PRKCQ: variants seen among roughly 807,000 people sequenced by gnomAD.
PRKCQ encodes protein kinase C theta.
A neutral mutation model predicts 91.2 loss-of-function variants in PRKCQ; 41 were observed. The ratio of observed to expected loss-of-function variants is 0.45; its 90% confidence interval spans 0.35 to 0.58. The LOEUF is 0.58. Among genes scored for constraint, PRKCQ ranks in the 20% least tolerant of loss-of-function variants. The pLI, the probability that PRKCQ is intolerant of heterozygous loss-of-function variation, is 0.00. For missense variants in PRKCQ, 673 were observed against 896.5 expected (o/e 0.75, Z 3.18); for synonymous variants, 307 against 316.9 (o/e 0.97, Z 0.33).
At chr10:6,408,605 T>G in the PRKCQ span, among the ~76,000 whole-genome samples, 1 of 152,244 alleles carries the variant, frequency 6.6e-6, no homozygotes, top group Non-Finnish European at 1.5e-5. Context: ...TCCTCCCACC[T>G]TGGCCTCCCA....
intron 4 of PRKCQ, among the ~76,000 whole-genome samples, chr10:6,506,149 C>A (rs1336212085): frequency 1.3e-5 from 2 of 152,296 alleles, no homozygotes; most frequent in East Asian, 3.9e-4. Flanking sequence ...TATATCTACA[C>A]CTTCCAAGAG....
At chr10:6,526,496 C>T (rs537402089) in intron 1 of PRKCQ, among the ~76,000 whole-genome samples, 2 of 151,810 alleles carry the variant, frequency 1.3e-5, no homozygotes, top group African/African-American at 4.8e-5. Context: ...GGTGGGGCGG[C>T]AGGGAGGGCT....
intron 1 of PRKCQ, among the ~76,000 whole-genome samples, chr10:6,561,659 A>T (rs889535352): frequency 4.6e-5 from 7 of 152,234 alleles, no homozygotes; most frequent in Admixed American, 6.5e-5. Flanking sequence ...TTAAATTCTC[A>T]GAACGGCTCC....
At chr10:6,572,210 T>C (rs1405945263) in intron 1 of PRKCQ, among the ~76,000 whole-genome samples, 1 of 152,152 alleles carries the variant, frequency 6.6e-6, no homozygotes, top group Non-Finnish European at 1.5e-5. Flanking sequence ...ATGCCATAGG[T>C]ATGTAATTTT....
intron 9 of PRKCQ, among the ~76,000 whole-genome samples, chr10:6,485,700 A>G (rs1293208427): frequency 6.6e-6 from 1 of 152,240 alleles, no homozygotes; most frequent in African/African-American, 2.4e-5. Context: ...ATGCTAGCAC[A>G]TAAGTGTTTT....
intron 2 of PRKCQ, among the ~76,000 whole-genome samples, chr10:6,512,563 G>A (rs187883186): frequency 6.2e-4 from 95 of 152,336 alleles, no homozygotes; most frequent in African/African-American, 2.2e-3. Context: ...CTGCATTTGA[G>A]TGTTTGTTTC....
intron 13 of PRKCQ, among the ~76,000 whole-genome samples, chr10:6,464,104 G>A (rs980135435): frequency 2.0e-5 from 3 of 152,200 alleles, no homozygotes; most frequent in African/African-American, 7.2e-5. Flanking sequence ...AAGAAACTAA[G>A]TAGTTAGTTT....
chr10:6,513,175 G>A (rs1029860137), intron 2 of PRKCQ, among the ~76,000 whole-genome samples: 1 of 152,164 alleles, frequency 6.6e-6, no homozygotes, highest in East Asian at 1.9e-4. Flanking sequence ...CCCGTAGCCT[G>A]TTTGTCCTTG....
chr10:6,413,978 A>C, the PRKCQ span, among the ~76,000 whole-genome samples: 2 of 152,390 alleles, frequency 1.3e-5, no homozygotes, highest in East Asian at 3.9e-4. Flanking sequence ...CCCTGACGAC[A>C]TTGGACATCA....
chr10:6,414,803 A>AC, the PRKCQ span, among the ~76,000 whole-genome samples: 1 of 151,376 alleles, frequency 6.6e-6, no homozygotes, highest in Non-Finnish European at 1.5e-5. Context: ...AAAAAAAAAA[A>AC]AGAAAGAAAA....
chr10:6,471,835 C>A (rs949946311), intron 12 of PRKCQ, among the ~76,000 whole-genome samples: 1 of 152,186 alleles, frequency 6.6e-6, no homozygotes, highest in Middle Eastern at 3.2e-3. Context: ...CATGCACTTT[C>A]CTGAGGCACT....
chr10:6,515,393 T>C, intron 1 of PRKCQ: 1 of 985,450 alleles, frequency 1.0e-6, no homozygotes, highest in African/African-American at 1.7e-5. Flanking sequence ...TTTTGAGAAG[T>C]AACTCAAGAG....
chr10:6,491,638 C>T lies in PRKCQ; in HGVS notation c.790+45G>A, dbSNP rs773910556. On this transcript the variant is annotated intron_variant, in intron 8 of 17. Transcript: ENST00000263125. Reference sequence around the variant, plus strand: ...TCCCCAGAAAGCCTTGCTCCATCCCCTAGGGGGTCCACGTCGGGCCATGCT... The same window carrying T: ...TCCCCAGAAAGCCTTGCTCCATCCCTTAGGGGGTCCACGTCGGGCCATGCT... 2.5e-6 allele frequency: 4 copies of T among 1,610,148 alleles called. No homozygotes were observed. In the East Asian group the frequency reaches 8.9e-5, roughly 36 times the overall value.
chr10:6,516,249 T>C (rs1277886103), intron 1 of PRKCQ, among the ~76,000 whole-genome samples: 1 of 152,210 alleles, frequency 6.6e-6, no homozygotes, highest in African/African-American at 2.4e-5. Flanking sequence ...GGATCTCCAG[T>C]ATGCTAAATA....
chr10:6,537,752 G>T (rs1839636489), intron 1 of PRKCQ, among the ~76,000 whole-genome samples: 1 of 152,136 alleles, frequency 6.6e-6, no homozygotes, highest in Non-Finnish European at 1.5e-5. Flanking sequence ...ACACTTCTCT[G>T]GGGCTCTCAA....
At chr10:6,489,559 G>A (rs891057654) in intron 8 of PRKCQ, 1 of 471,728 alleles carries the variant, frequency 2.1e-6, no homozygotes, top group African/African-American at 2.0e-5. Context: ...GAGGCAGAGA[G>A]GGAGGGAAGA....
chr10:6,522,344 G>T (rs1350911498), intron 1 of PRKCQ, among the ~76,000 whole-genome samples: 1 of 152,228 alleles, frequency 6.6e-6, no homozygotes, highest in East Asian at 1.9e-4. Flanking sequence ...TTCGATGCAG[G>T]TACATGATCA....
chr10:6,543,567 C>A (rs113498640), intron 1 of PRKCQ, among the ~76,000 whole-genome samples: 8 of 152,316 alleles, frequency 5.3e-5, no homozygotes, highest in African/African-American at 1.9e-4. Context: ...ATTAGAGAGA[C>A]GCTAACCACT....
rs544230650 is a variant in PRKCQ, at chr10:6,430,199, G to A, written c.1965+611C>T. Among the ~76,000 whole-genome samples the A allele has an allele frequency of 3.3e-5, 5 of 152,198 alleles. No individual in the cohort carries two copies. The South Asian group carries it at 6.2e-4, about 19-fold the overall frequency. ...ACTTCACTTTATGGTGGCCCGTCTC[G>A]CAGGTGAGCCAGGTCATTCTGCCTT... On this transcript the variant is annotated intron_variant, in intron 17 of 17. Coordinates refer to ENST00000263125, the MANE Select transcript of PRKCQ (RefSeq NM_006257.5). The surrounding 1 kb of genome is among the most constrained non-coding windows in gnomAD (Gnocchi z 4.7).
Sources: allele counts gnomAD v4.1 joint callset (sites outside exome capture counted in the v4.1 genomes callset), GRCh38; gene constraint gnomAD v4.1.1; non-coding constraint Gnocchi (gnomAD v3.1); transcripts MANE v1.5; gene names NCBI Gene and HGNC (gene_info 2026-07-23, HGNC 2026-07-21).